The following SINHCAF variants were observed in gnomAD, a reference collection of about 807,000 sequenced individuals.
The protein encoded by SINHCAF is SIN3-HDAC complex associated factor, also known as SIN3-HDAC complex-associated factor.
SINHCAF carries 3 observed loss-of-function variants against 25.8 expected under a neutral mutation model. The ratio of observed to expected loss-of-function variants is 0.12; its 90% CI spans 0.05 to 0.30. The LOEUF (loss-of-function observed/expected upper bound fraction) is 0.30, where lower values mean the gene tolerates loss of function less well. Ranked by LOEUF, SINHCAF falls within the 10% of genes least tolerant of loss-of-function variation. The probability of loss-of-function intolerance (pLI) is 1.00; values close to 1 mark genes in which losing one functional copy is unlikely to be tolerated. For missense variants in SINHCAF, 121 were observed against 262.3 expected (o/e 0.46, Z 3.72); for synonymous variants, 70 against 85.5 (o/e 0.82, Z 1.00).
chr12:31,307,664 A>G (rs1025098668), intron 1 of SINHCAF, among the ~76,000 whole-genome samples: 2 of 152,196 alleles, frequency 1.3e-5, no homozygotes, highest in African/African-American at 4.8e-5. Context: ...ATTGAAAGAC[A>G]AGTGTTGAGT....
intron 1 of SINHCAF, among the ~76,000 whole-genome samples, chr12:31,320,772 A>C: frequency 6.6e-6 from 1 of 152,122 alleles, no homozygotes; most frequent in East Asian, 1.9e-4. Flanking sequence ...AGGAAAAAAA[A>C]CCTGAGGTTT....
At chr12:31,294,083 G>T (rs1454040488) in intron 3 of SINHCAF, 152 bp from the exon 4 acceptor site, 3 of 535,490 alleles carry the variant, frequency 5.6e-6, no homozygotes, top group African/African-American at 3.9e-5. Context: ...TGACATAAGG[G>T]AATAAATAAT....
chr12:31,312,021 G>C (rs536231428), intron 1 of SINHCAF: 1 of 670,162 alleles, frequency 1.5e-6, no homozygotes, highest in Non-Finnish European at 2.6e-6. Context: ...CAAAGGAGAA[G>C]TAACTTTTGA....
At chr12:31,311,991 T>C (rs190757524) in intron 1 of SINHCAF, 2 of 707,390 alleles carry the variant, frequency 2.8e-6, no homozygotes, top group Non-Finnish European at 4.9e-6. Context: ...GCCTTTCAGC[T>C]AGCTGTTTGA....
intron 1 of SINHCAF, among the ~76,000 whole-genome samples, chr12:31,306,898 G>A (rs1395337717): frequency 6.6e-6 from 1 of 152,180 alleles, no homozygotes; most frequent in South Asian, 2.1e-4. Context: ...AGCCAGTTGG[G>A]CTGACTTAGC....
At chr12:31,290,524 AAT>A (rs762322653) in intron 4 of SINHCAF, among the ~76,000 whole-genome samples, 13 of 152,214 alleles carry the variant, frequency 8.5e-5, no homozygotes, top group Non-Finnish European at 1.8e-4. Context: ...TAGTATTTTT[AAT>A]ATGTTAACTT....
In SINHCAF at chr12:31,324,661, C is replaced by G. The variant is rs753394937; in HGVS notation, c.-21+1363G>C. 3.2e-5 allele frequency: 10 copies of G among 313,848 alleles called. No individual in the cohort carries two copies. The highest frequency in any genetic ancestry group is 4.7e-5 in the Admixed American group (1 of 21,484). 19.4% of individuals were successfully genotyped at this position (313,848 alleles called of 1,614,324 possible). ...ACGGGCACATGCAGCCCTTTGTTTT[C>G]TGTCCAGCCGGGCGCTGCCTACGTG... On this transcript the variant is annotated intron_variant, in intron 1 of 5. Coordinates refer to ENST00000337682, the MANE Select transcript of SINHCAF (RefSeq NM_001135812.2). The surrounding 1 kb of genome is among the most constrained non-coding windows in gnomAD (Gnocchi z 5.5).
At chr12:31,287,218 CTATT>C (rs1157828789) in intron 5 of SINHCAF, among the ~76,000 whole-genome samples, 1 of 152,116 alleles carries the variant, frequency 6.6e-6, no homozygotes, top group Non-Finnish European at 1.5e-5. Flanking sequence ...CTATAATATC[CTATT>C]ATTTTTTAAA....
Position 31,324,976 on chromosome 12 carries a change from G to GC in SINHCAF, c.-21+1047dup, listed in dbSNP as rs1939900130. 2 of 456,508 alleles carry GC rather than the reference G, an allele frequency of 4.4e-6. No homozygotes were observed. The highest frequency in any genetic ancestry group is 8.8e-6 in the Non-Finnish European group (2 of 226,886). 28.3% of individuals were successfully genotyped at this position (456,508 alleles called of 1,614,324 possible). On this transcript the variant is annotated intron_variant, in intron 1 of 5. Coordinates refer to ENST00000337682, the MANE Select transcript of SINHCAF (RefSeq NM_001135812.2). This position sits in a 1 kb window ranked among gnomAD's most constrained non-coding sequence, Gnocchi z 5.5. ...CGGCCGGACCTGCCCGACGGCGGCC[G>GC]CATCCCACGGCTCACGCGGGGCTGG...
At chr12:31,318,372 T>A (rs1039733419) in intron 1 of SINHCAF, among the ~76,000 whole-genome samples, 2 of 152,196 alleles carry the variant, frequency 1.3e-5, no homozygotes, top group Non-Finnish European at 2.9e-5. Flanking sequence ...AGAATAAAAC[T>A]GAGAAAGGGG....
chr12:31,291,284 C>G (rs17603947), intron 4 of SINHCAF, among the ~76,000 whole-genome samples: 10,314 of 152,196 alleles, frequency 0.068, 876 homozygotes, highest in East Asian at 0.26. Context: ...CATTTATAGA[C>G]GAATTTATTT....
intron 1 of SINHCAF, among the ~76,000 whole-genome samples, chr12:31,320,041 CTGTT>C (rs758863829): frequency 1.3e-5 from 2 of 152,204 alleles, no homozygotes; most frequent in Non-Finnish European, 2.9e-5. Context: ...TCCCCACTGC[CTGTT>C]TGTTCCTCAT....
chr12:31,296,127 T>C (rs1262885431), intron 2 of SINHCAF, among the ~76,000 whole-genome samples: 1 of 152,172 alleles, frequency 6.6e-6, no homozygotes, highest in Non-Finnish European at 1.5e-5. Flanking sequence ...CATTGCTGTT[T>C]AATTAATCTT....
chr12:31,282,878 G>C lies in SINHCAF; in HGVS notation c.507-7C>G. On this transcript the variant is annotated splice_polypyrimidine_tract_variant and splice_region_variant and intron_variant, in intron 5 of 5. Transcript: ENST00000337682. ...CCCACAACATATCTTCTGTCTAAAA[G>C]AAAAAATGGAGAACAAGATACATTA... is the stretch of plus-strand genomic sequence containing the variant. 1 of 1,577,804 alleles carries C rather than the reference G, an allele frequency of 6.3e-7. No homozygotes were observed. Among genetic ancestry groups the C allele is most frequent in the Non-Finnish European group, 8.6e-7 (1 of 1,167,030 alleles).
intron 1 of SINHCAF, among the ~76,000 whole-genome samples, chr12:31,312,982 C>T (rs1295014371): frequency 1.3e-5 from 2 of 152,180 alleles, no homozygotes; most frequent in Admixed American, 1.3e-4. Context: ...CCCTCTTCCC[C>T]ATGGATATGT....
intron 5 of SINHCAF, among the ~76,000 whole-genome samples, chr12:31,285,416 C>CATATATAT (rs572248741): frequency 3.4e-5 from 4 of 119,288 alleles, no homozygotes; most frequent in African/African-American, 1.4e-4. Flanking sequence ...TATATATATA[C>CATATATAT]ATACACACAC....
chr12:31,311,720 T>C (rs1939278833), intron 1 of SINHCAF: 3 of 509,896 alleles, frequency 5.9e-6, no homozygotes, highest in African/African-American at 3.9e-5. Flanking sequence ...GAATTTTTCA[T>C]GTCTCCCAGT....
Position 31,293,951 on chromosome 12 carries a change from A to G in SINHCAF, c.229-20T>C, listed in dbSNP as rs1377706679. ...TACCACCTGGAAGAAAATACTGAAT[A>G]TTTAATAATATTTTTAAAATGACAC... On this transcript the variant is annotated intron_variant, in intron 3 of 5. Coordinates refer to ENST00000337682, the MANE Select transcript of SINHCAF (RefSeq NM_001135812.2). 2.6e-6 allele frequency: 4 copies of G among 1,566,604 alleles called. No individual in the cohort carries two copies. In the South Asian group the frequency reaches 4.8e-5, roughly 19 times the overall value.
intron 3 of SINHCAF, 118 bp downstream of exon 3, chr12:31,295,116 C>A: frequency 1.5e-6 from 1 of 650,916 alleles, no homozygotes; most frequent in South Asian, 2.1e-5. Flanking sequence ...TAGTGTTTTT[C>A]TTTATTCTTT....
Sources: gnomAD v4.1 joint callset for allele counts (sites outside exome capture counted in the v4.1 genomes callset) on GRCh38, gnomAD v4.1.1 for gene constraint, Gnocchi (gnomAD v3.1) non-coding constraint, MANE v1.5 for transcripts, NCBI Gene and HGNC (gene_info 2026-07-23, HGNC 2026-07-21) for gene names.